The following MED13L variants were observed in gnomAD, a reference collection of about 807,000 sequenced individuals.
MED13L encodes the protein mediator of RNA polymerase II transcription subunit 13-like.
In MED13L, 7 loss-of-function variants were observed where a neutral mutation model predicts 220.9. The observed-to-expected ratio is 0.03, with a 90% CI of 0.02 to 0.06. The LOEUF is 0.06. Among genes scored for constraint, MED13L ranks in the 10% least tolerant of loss-of-function variants. The probability of loss-of-function intolerance (pLI) is 1.00; values close to 1 mark genes in which losing one functional copy is unlikely to be tolerated. For missense variants in MED13L, 1,965 were observed against 2,760.5 expected (o/e 0.71, Z 6.46); for synonymous variants, 1,011 against 1,015.2 (o/e 1.00, Z 0.08).
intron 2 of MED13L, among the ~76,000 whole-genome samples, chr12:116,196,318 G>T (rs1211210278): frequency 6.6e-6 from 1 of 151,770 alleles, no homozygotes; most frequent in Non-Finnish European, 1.5e-5. Context: ...CACCACAGAG[G>T]TCCTCTGGGT....
intron 2 of MED13L, among the ~76,000 whole-genome samples, chr12:116,157,372 A>G (rs1878518953): frequency 6.6e-6 from 1 of 152,158 alleles, no homozygotes; most frequent in Admixed American, 6.6e-5. Context: ...TCACAGCTGT[A>G]TCCCCAGCAC....
chr12:116,131,544 A>C (rs1443759483), intron 2 of MED13L, among the ~76,000 whole-genome samples: 1 of 152,212 alleles, frequency 6.6e-6, no homozygotes, highest in Non-Finnish European at 1.5e-5. Context: ...CGCTGGGCAC[A>C]ATGTCCAGAA....
At position 116,221,043 on chromosome 12, in the gene MED13L, A is replaced by C. The variant is rs551550893; in HGVS notation, c.310+16425T>G. Among the ~76,000 whole-genome samples, 8 of 152,236 alleles carry C rather than the reference A, an allele frequency of 5.3e-5. No homozygotes were observed. In the South Asian group the frequency reaches 1.7e-3, roughly 32 times the overall value. On this transcript the variant is annotated intron_variant, in intron 2 of 30. Transcript: ENST00000281928. ...ACTACTAACTCTATCCTACATATTA[A>C]ATAAAAATGAGTTTAATAAACACAA...
At chr12:116,220,031 G>A (rs1883218551) in intron 2 of MED13L, among the ~76,000 whole-genome samples, 1 of 151,880 alleles carries the variant, frequency 6.6e-6, no homozygotes, top group South Asian at 2.1e-4. Flanking sequence ...TCCTGACCTC[G>A]TGATCCACCC....
chr12:115,978,260 G>T (rs567874468), intron 23 of MED13L, among the ~76,000 whole-genome samples: 1 of 151,628 alleles, frequency 6.6e-6, no homozygotes, highest in African/African-American at 2.4e-5. Context: ...TCTAAAATTA[G>T]ATAGTAGTGA....
intron 2 of MED13L, among the ~76,000 whole-genome samples, chr12:116,228,805 C>T (rs772037444): frequency 6.6e-6 from 1 of 152,178 alleles, no homozygotes; most frequent in Non-Finnish European, 1.5e-5. Flanking sequence ...AATATTTAAA[C>T]CTTTTCTTCA....
chr12:116,057,120 T>C lies in MED13L; in HGVS notation c.480-34519A>G, dbSNP rs550607989. ...CAGAAGCCGAATCCCTGAAGAAAGC[T>C]AGTAGAGTCATTTAACAGAAAATGA... On this transcript the variant is annotated intron_variant, in intron 4 of 30. Coordinates refer to ENST00000281928, the MANE Select transcript of MED13L (RefSeq NM_015335.5). Among the ~76,000 whole-genome samples the C allele has an allele frequency of 3.3e-5, 5 of 152,282 alleles. No homozygotes were observed. In the East Asian group the frequency reaches 9.7e-4, roughly 29 times the overall value.
intron 2 of MED13L, among the ~76,000 whole-genome samples, chr12:116,188,993 G>A (rs991579450): frequency 3.9e-5 from 6 of 152,104 alleles, no homozygotes; most frequent in African/African-American, 1.4e-4. Context: ...TCCAGTTTAG[G>A]CTTTTACAAA....
chr12:116,077,312 C>T (rs998210666), intron 4 of MED13L, among the ~76,000 whole-genome samples: 2 of 152,140 alleles, frequency 1.3e-5, no homozygotes, highest in Admixed American at 6.5e-5. Flanking sequence ...ATTTTACTCA[C>T]GCCCACTAAT....
chr12:115,963,330 T>G (rs1237102510), intron 30 of MED13L, 77 bp downstream of exon 30: 1 of 1,234,776 alleles, frequency 8.1e-7, no homozygotes, highest in Admixed American at 1.8e-5. Context: ...ACACTTAGAT[T>G]AAAACACCTT....
At chr12:116,150,655 C>T (rs933810787) in intron 2 of MED13L, among the ~76,000 whole-genome samples, 3 of 152,174 alleles carry the variant, frequency 2.0e-5, no homozygotes, top group African/African-American at 7.2e-5. Context: ...AGAACTGAGG[C>T]ACACCATTCT....
intron 2 of MED13L, among the ~76,000 whole-genome samples, chr12:116,222,358 T>C (rs771661960): frequency 1.3e-5 from 2 of 152,226 alleles, no homozygotes. Flanking sequence ...CTTAATCTTA[T>C]GACCTCTACC....
chr12:116,264,493 C>A (rs1343261997), intron 1 of MED13L, among the ~76,000 whole-genome samples: 2 of 152,168 alleles, frequency 1.3e-5, no homozygotes, highest in Non-Finnish European at 2.9e-5. Flanking sequence ...GTTTATTCGG[C>A]CTGAAGCTCA....
At chr12:116,201,253 G>C (rs1346879084) in intron 2 of MED13L, among the ~76,000 whole-genome samples, 3 of 152,016 alleles carry the variant, frequency 2.0e-5, no homozygotes, top group African/African-American at 7.2e-5. Context: ...AAGTATACAA[G>C]AAAAGTCTTC....
At chr12:116,153,490 A>G (rs1470180952) in intron 2 of MED13L, among the ~76,000 whole-genome samples, 1 of 152,224 alleles carries the variant, frequency 6.6e-6, no homozygotes, top group Non-Finnish European at 1.5e-5. Context: ...AATAGCAATA[A>G]CCAGATATAT....
chr12:115,980,041 C>T (rs558081224), intron 23 of MED13L, among the ~76,000 whole-genome samples: 2 of 152,226 alleles, frequency 1.3e-5, no homozygotes, highest in African/African-American at 4.8e-5. Context: ...CATCACAAAA[C>T]GAGGGACCCC....
chr12:116,191,076 A>G (rs1881245590), intron 2 of MED13L, among the ~76,000 whole-genome samples: 2 of 149,816 alleles, frequency 1.3e-5, no homozygotes, highest in South Asian at 2.1e-4. Context: ...TGGGCAAAAG[A>G]GCGAGACTCT....
At chr12:116,121,926 G>A (rs891797046) in intron 2 of MED13L, among the ~76,000 whole-genome samples, 4 of 152,030 alleles carry the variant, frequency 2.6e-5, no homozygotes, top group African/African-American at 4.8e-5. Context: ...AATTTCACTC[G>A]AAACTCCAGA....
At position 115,975,285 on chromosome 12, in the gene MED13L, T is replaced by C; in HGVS notation, c.5617A>G (p.Lys1873Glu). 6.2e-7 allele frequency: 1 copy of C among 1,614,172 alleles called. No individual in the cohort carries two copies. The highest frequency in any genetic ancestry group is 8.5e-7 in the Non-Finnish European group (1 of 1,180,020). Reference protein sequence around the residue: ...RSRRSKVSARKIGLQKLWEWC... With the variant: ...RSRRSKVSAREIGLQKLWEWC... ...TCCCATAACTTCTGTAGTCCAATTT[T>C]ACGTGCAGATACTTTACTCCTCCGT... Residue 1873 changes from lysine to glutamate, a missense_variant, in exon 25 of 31, where the codon AAA (lysine) becomes GAA (glutamate). Transcript: ENST00000281928.
Sources: gnomAD v4.1 joint callset for allele counts (sites outside exome capture counted in the v4.1 genomes callset) on GRCh38, gnomAD v4.1.1 for gene constraint, MANE v1.5 for transcripts, NCBI Gene and HGNC (gene_info 2026-07-23, HGNC 2026-07-21) for gene names.